The following KCND3 variants were observed in gnomAD, a reference collection of about 807,000 sequenced individuals.
KCND3 encodes potassium voltage-gated channel subfamily D member 3.
Under a neutral mutation model 51.1 loss-of-function variants are expected in KCND3, and 9 were observed. The ratio of observed to expected loss-of-function variants is 0.18; its 90% CI spans 0.11 to 0.31. The LOEUF is 0.31. Among genes scored for constraint, KCND3 ranks in the 10% least tolerant of loss-of-function variants. The pLI, the probability that KCND3 is intolerant of heterozygous loss-of-function variation, is 1.00. For synonymous variants in KCND3, 349 were observed against 368.0 expected (o/e 0.95, Z 0.59); for missense variants, 526 against 903.8 (o/e 0.58, Z 5.36).
At chr1:111,917,222 T>C (rs1031792137) in intron 2 of KCND3, among the ~76,000 whole-genome samples, 1 of 152,192 alleles carries the variant, frequency 6.6e-6, no homozygotes, top group Non-Finnish European at 1.5e-5. Context: ...TATTTACCAT[T>C]TCATTCAACA....
At chr1:111,861,643 C>T (rs1386090517) in intron 2 of KCND3, among the ~76,000 whole-genome samples, 1 of 152,166 alleles carries the variant, frequency 6.6e-6, no homozygotes, top group Admixed American at 6.5e-5. Context: ...CCTTATTCCT[C>T]TCCTTCCCCA....
chr1:111,798,523 T>A (rs189383692), intron 2 of KCND3, among the ~76,000 whole-genome samples: 78 of 152,216 alleles, frequency 5.1e-4, no homozygotes, highest in Admixed American at 4.7e-3. Flanking sequence ...TCTGGATCCC[T>A]GGTGCCTGAC....
At chr1:111,803,215 C>T (rs1665399782) in intron 2 of KCND3, among the ~76,000 whole-genome samples, 1 of 152,326 alleles carries the variant, frequency 6.6e-6, no homozygotes, top group Non-Finnish European at 1.5e-5. Flanking sequence ...TTACCCGCCC[C>T]CACCCCATGT....
At chr1:111,912,303 A>C (rs1670990518) in intron 2 of KCND3, among the ~76,000 whole-genome samples, 1 of 152,236 alleles carries the variant, frequency 6.6e-6, no homozygotes, top group Admixed American at 6.5e-5. Flanking sequence ...ACATAGTGAC[A>C]TCATAGTCAT....
chr1:111,931,744 T>C (rs768873292), intron 2 of KCND3, among the ~76,000 whole-genome samples: 5 of 152,186 alleles, frequency 3.3e-5, no homozygotes, highest in Non-Finnish European at 5.9e-5. Context: ...ATTATCATTA[T>C]TTTAGGGTTT....
chr1:111,987,760 A>G (rs530084962), intron 1 of KCND3, among the ~76,000 whole-genome samples: 1 of 152,318 alleles, frequency 6.6e-6, no homozygotes, highest in African/African-American at 2.4e-5. Context: ...CTCAAATGCC[A>G]AGGTTTTACT....
At chr1:111,844,450 C>T (rs17028788) in intron 2 of KCND3, among the ~76,000 whole-genome samples, 3,671 of 152,252 alleles carry the variant, frequency 0.024, 123 homozygotes, top group East Asian at 0.13. Flanking sequence ...TTTCTGGTCG[C>T]TGAGAACCTT....
chr1:111,956,912 A>G (rs1673370012), intron 2 of KCND3, among the ~76,000 whole-genome samples: 1 of 152,140 alleles, frequency 6.6e-6, no homozygotes, highest in Admixed American at 6.5e-5. Flanking sequence ...AGGTCTCTGG[A>G]GAAGAAACTA....
intron 2 of KCND3, among the ~76,000 whole-genome samples, chr1:111,815,616 G>A (rs1187957460): frequency 1.3e-5 from 2 of 150,944 alleles, no homozygotes; most frequent in African/African-American, 2.4e-5. Flanking sequence ...TTTTCTCTTA[G>A]TAATTTTCCA....
At chr1:111,905,044 C>A (rs949245859) in intron 2 of KCND3, among the ~76,000 whole-genome samples, 4 of 152,208 alleles carry the variant, frequency 2.6e-5, no homozygotes, top group Non-Finnish European at 5.9e-5. Context: ...CTTCCCCGTA[C>A]CTCCCCAGAA....
At chr1:111,882,221 T>C (rs1178827823) in intron 2 of KCND3, among the ~76,000 whole-genome samples, 1 of 152,180 alleles carries the variant, frequency 6.6e-6, no homozygotes, top group Non-Finnish European at 1.5e-5. Flanking sequence ...GGTGAAAATA[T>C]TTTTCTTTGG....
chr1:111,949,189 A>G (rs1171092741), intron 2 of KCND3, among the ~76,000 whole-genome samples: 2 of 152,226 alleles, frequency 1.3e-5, no homozygotes, highest in Non-Finnish European at 2.9e-5. Context: ...GATAGTTCTG[A>G]CTGTGTCACT....
intron 2 of KCND3, among the ~76,000 whole-genome samples, chr1:111,861,278 G>A (rs1352372642): frequency 1.3e-5 from 2 of 152,218 alleles, no homozygotes; most frequent in East Asian, 3.9e-4. Context: ...AGGGTCCCTC[G>A]ATGACCCATA....
intron 2 of KCND3, among the ~76,000 whole-genome samples, chr1:111,870,745 AAG>A (rs1668794839): frequency 6.6e-6 from 1 of 152,192 alleles, no homozygotes; most frequent in African/African-American, 2.4e-5. Context: ...AAAAAGAAGA[AAG>A]AGGTACCTCC....
chr1:111,890,471 A>G (rs1669776654), intron 2 of KCND3, among the ~76,000 whole-genome samples: 2 of 152,226 alleles, frequency 1.3e-5, no homozygotes, highest in African/African-American at 4.8e-5. Context: ...AGAGAAAATC[A>G]GAAGTTCAGT....
At chr1:111,812,312 C>G (rs57229985) in intron 2 of KCND3, among the ~76,000 whole-genome samples, 9 of 152,122 alleles carry the variant, frequency 5.9e-5, no homozygotes, top group East Asian at 3.9e-4. Flanking sequence ...TGTGCCACAC[C>G]CTGCATGGGG....
chr1:111,863,067 C>A (rs1668405319), intron 2 of KCND3, among the ~76,000 whole-genome samples: 1 of 152,174 alleles, frequency 6.6e-6, no homozygotes, highest in African/African-American at 2.4e-5. Context: ...AGAGAAAAGA[C>A]AAGGAAAATA....
At chr1:111,959,090 T>C (rs1673495893) in intron 2 of KCND3, among the ~76,000 whole-genome samples, 1 of 152,166 alleles carries the variant, frequency 6.6e-6, no homozygotes, top group South Asian at 2.1e-4. Context: ...GCAGAGTAAT[T>C]GTTCTGAAAT....
chr1:111,949,242 C>G (rs1438494746), intron 2 of KCND3, among the ~76,000 whole-genome samples: 1 of 152,230 alleles, frequency 6.6e-6, no homozygotes, highest in Non-Finnish European at 1.5e-5. Flanking sequence ...CTCCGGGTGC[C>G]TTGGTTTCTC....
Sources: allele counts gnomAD v4.1 joint callset (sites outside exome capture counted in the v4.1 genomes callset), GRCh38; gene constraint gnomAD v4.1.1; transcripts MANE v1.5; gene names NCBI Gene and HGNC (gene_info 2026-07-23, HGNC 2026-07-21).